GPRC5A: variants seen among roughly 807,000 people sequenced by gnomAD.
GPRC5A encodes the protein G protein-coupled receptor class C group 5 member A.
GPRC5A carries 19 observed loss-of-function variants against 22.5 expected under a neutral mutation model. That is an observed-to-expected ratio of 0.85 (90% CI 0.59 to 1.24). GPRC5A has a LOEUF of 1.24. Ranked by LOEUF, GPRC5A falls within the 50% of genes most tolerant of loss-of-function variation. GPRC5A has a pLI of 0.00. For missense variants in GPRC5A, 471 were observed against 451.1 expected (o/e 1.04, Z -0.40); for synonymous variants, 192 against 184.5 (o/e 1.04, Z -0.33).
At chr12:12,906,777 G>C (rs533528105) in intron 1 of GPRC5A, among the ~76,000 whole-genome samples, 1 of 151,922 alleles carries the variant, frequency 6.6e-6, no homozygotes, top group Non-Finnish European at 1.5e-5. Flanking sequence ...GGAGGAGGCC[G>C]GGCACGGTGG....
At chr12:12,912,003 T>C in intron 2 of GPRC5A, 81 bp from the exon 3 acceptor site, 1 of 845,464 alleles carries the variant, frequency 1.2e-6, no homozygotes, top group Non-Finnish European at 2.0e-6. Flanking sequence ...GGGCAAGATG[T>C]CACACTGTGA....
At chr12:12,901,890 C>T (rs1863891804) in intron 1 of GPRC5A, among the ~76,000 whole-genome samples, 1 of 152,080 alleles carries the variant, frequency 6.6e-6, no homozygotes. Flanking sequence ...CGTCCTTTGA[C>T]TTTGGTTACA....
In GPRC5A at chr12:12,914,594, T is replaced by TTCTTTCTTTCTTTCTTTCTTTCTTTCTC. The variant is rs59721062; in HGVS notation, c.*2058_*2059insTTCTTTCTTTCTTTCTTTCTTTCTCTCT. Reference sequence around the variant, plus strand: ...TTTCTTTCTTTCTTTCTTTCTTTCTTTCTCTCTCTCTCTCTCTCTCTCTTT... The same window carrying TTCTTTCTTTCTTTCTTTCTTTCTTTCTC: ...TTTCTTTCTTTCTTTCTTTCTTTCTTTCTTTCTTTCTTTCTTTCTTTCTTTCTCTCTCTCTCTCTCTCTCTCTCTCTTT... On this transcript the variant is annotated 3_prime_UTR_variant, in exon 4 of 4. Coordinates refer to ENST00000014914, the MANE Select transcript of GPRC5A (RefSeq NM_003979.4). 1.2e-5 allele frequency: 1 copy of TTCTTTCTTTCTTTCTTTCTTTCTTTCTC among 81,536 alleles called. No individual in the cohort carries two copies. Among genetic ancestry groups the TTCTTTCTTTCTTTCTTTCTTTCTTTCTC allele is most frequent in the Non-Finnish European group, 2.2e-5 (1 of 45,292 alleles). The allele number at this position is 81,536 out of a possible 1,614,324, so 5.1% of individuals were successfully genotyped here. A position where few individuals can be genotyped will look rare whatever the true frequency, so the allele number is the denominator to read the frequency against.
At chr12:12,904,314 C>T (rs1287085921) in intron 1 of GPRC5A, among the ~76,000 whole-genome samples, 1 of 152,176 alleles carries the variant, frequency 6.6e-6, no homozygotes, top group Non-Finnish European at 1.5e-5. Flanking sequence ...TATATCTGAA[C>T]CTCATTTGCC....
rs1863968495 is a variant in GPRC5A at position 12,908,612 on chromosome 12, G to A, written c.363G>A (p.Lys121=). The A allele has an allele frequency of 6.2e-7, 1 of 1,614,102 alleles. No individual in the cohort carries two copies. Among genetic ancestry groups the A allele is most frequent in the South Asian group, 1.1e-5 (1 of 91,080 alleles). Residue 121 remains lysine, a synonymous_variant, in exon 2 of 4, where the codon AAG becomes AAA. Transcript: ENST00000014914. ...TGGCTCATGCTGTCAGTCTGACCAA[G>A]CTCGTCCGGGGGAGGAAGCCCCTTT... ...CLLAHAVSLT[K]LVRGRKPLSL...
Position 12,912,711 on chromosome 12 carries a change from C to A in GPRC5A, c.*172C>A, listed in dbSNP as rs1377651931. On this transcript the variant is annotated 3_prime_UTR_variant, in exon 4 of 4. Coordinates refer to ENST00000014914, the MANE Select transcript of GPRC5A (RefSeq NM_003979.4). ...TCTTCCATGCTGGGGCTGATGTGGG[C>A]TAGTAAGACTCCAGTTCTTAGAGGC... The A allele has an allele frequency of 1.8e-6, 1 of 566,106 alleles. No individual in the cohort carries two copies. The highest frequency in any genetic ancestry group is 3.1e-6 in the Non-Finnish European group (1 of 318,628). The allele number at this position is 566,106 out of a possible 1,614,324, so 35.1% of individuals were successfully genotyped here.
chr12:12,911,777 C>T (rs976212964), intron 2 of GPRC5A, among the ~76,000 whole-genome samples: 1 of 152,174 alleles, frequency 6.6e-6, no homozygotes, highest in African/African-American at 2.4e-5. Context: ...CGTGAGCCAC[C>T]ATGCCCAGCC....
chr12:12,904,682 A>G (rs949557018), intron 1 of GPRC5A, among the ~76,000 whole-genome samples: 1 of 152,128 alleles, frequency 6.6e-6, no homozygotes, highest in Admixed American at 6.6e-5. Context: ...AGATCGATTT[A>G]AGCTATATCT....
rs949482914 is a variant in GPRC5A at position 12,916,459 on chromosome 12, G to A, written c.*3920G>A. 1 of 152,220 alleles carries A rather than the reference G, an allele frequency of 6.6e-6. No homozygotes were observed. The highest frequency in any genetic ancestry group is 1.5e-5 in the Non-Finnish European group (1 of 68,056). The allele number at this position is 152,220 out of a possible 1,614,324, so 9.4% of individuals were successfully genotyped here. A position where few individuals can be genotyped will look rare whatever the true frequency, so the allele number is the denominator to read the frequency against. ...CCTCATGGCCTCTCAGCCTTGCAAA[G>A]GCAGCCACTTAAAGTCGGTGTCCTG... On this transcript the variant is annotated 3_prime_UTR_variant, in exon 4 of 4. Coordinates refer to ENST00000014914, the MANE Select transcript of GPRC5A (RefSeq NM_003979.4).
intron 1 of GPRC5A, among the ~76,000 whole-genome samples, chr12:12,896,353 G>T (rs544535635): frequency 2.6e-5 from 4 of 152,170 alleles, no homozygotes; most frequent in African/African-American, 4.8e-5. Context: ...TTATTCAGAT[G>T]TTATTCATAA....
intron 1 of GPRC5A, among the ~76,000 whole-genome samples, chr12:12,902,914 A>C (rs550748614): frequency 9.9e-5 from 15 of 152,250 alleles, no homozygotes; most frequent in East Asian, 9.7e-4. Flanking sequence ...CTAAAAATAC[A>C]AAATTAGCCG....
At chr12:12,897,073 A>G (rs1863828228) in intron 1 of GPRC5A, among the ~76,000 whole-genome samples, 1 of 151,996 alleles carries the variant, frequency 6.6e-6, no homozygotes, top group South Asian at 2.1e-4. Context: ...CTAAAAATAT[A>G]ATAATTAGCT....
chr12:12,896,487 G>A (rs1455289117), intron 1 of GPRC5A, among the ~76,000 whole-genome samples: 3 of 152,118 alleles, frequency 2.0e-5, no homozygotes, highest in Non-Finnish European at 4.4e-5. Flanking sequence ...AAGGGCAGAG[G>A]GATTTCTGTA....
At chr12:12,894,766 A>G (rs1208218718) in intron 1 of GPRC5A, among the ~76,000 whole-genome samples, 2 of 120,598 alleles carry the variant, frequency 1.7e-5, no homozygotes, top group Admixed American at 2.0e-4. Context: ...ATAAAAGTCT[A>G]GGATGGTTTT....
rs1324644476 is a variant in GPRC5A, at chr12:12,908,270, T to C, written c.21T>C (p.Asp7=). The stretch of plus-strand genomic sequence containing the variant: ...CCAGAATGGCTACAACAGTCCCTGA[T>C]GGTTGCCGCAATGGCCTGAAATCCA... The part of the protein sequence containing the change: MATTVP[D]GCRNGLKSKY... The change falls in exon 2 of 4, where the codon GAT becomes GAC. Residue 7 remains aspartate, a synonymous_variant. Transcript: ENST00000014914. The C allele has an allele frequency of 1.9e-6, 3 of 1,595,412 alleles. No individual in the cohort carries two copies. Among genetic ancestry groups the C allele is most frequent in the Admixed American group, 1.7e-5 (1 of 58,012 alleles).
At chr12:12,898,659 A>G (rs1398515608) in intron 1 of GPRC5A, among the ~76,000 whole-genome samples, 2 of 152,332 alleles carry the variant, frequency 1.3e-5, no homozygotes, top group East Asian at 1.9e-4. Context: ...TTTATCAAAG[A>G]GCCAACAAAG....
At chr12:12,903,278 T>A (rs926714357) in intron 1 of GPRC5A, among the ~76,000 whole-genome samples, 2 of 152,130 alleles carry the variant, frequency 1.3e-5, no homozygotes, top group Non-Finnish European at 2.9e-5. Context: ...AGTTTTTTTT[T>A]AATTTTTAAT....
intron 2 of GPRC5A, among the ~76,000 whole-genome samples, chr12:12,911,542 G>A (rs558796679): frequency 4.7e-4 from 71 of 150,966 alleles, no homozygotes; most frequent in Non-Finnish European, 8.5e-4. Context: ...AGGCTGGAGT[G>A]CAGTGGTGCG....
rs1451625077 is a variant in GPRC5A at position 12,915,291 on chromosome 12, A to C, written c.*2752A>C. ...TTGATATAAAAATGAAACAGGATCC[A>C]GGCATGGGTCTTTACACTGATAGTT... On this transcript the variant is annotated 3_prime_UTR_variant, in exon 4 of 4. Coordinates refer to ENST00000014914, the MANE Select transcript of GPRC5A (RefSeq NM_003979.4). 1.3e-5 allele frequency: 2 copies of C among 152,244 alleles called. No individual in the cohort carries two copies. Among genetic ancestry groups the C allele is most frequent in the Non-Finnish European group, 2.9e-5 (2 of 68,050 alleles). The allele number at this position is 152,244 out of a possible 1,614,324, so 9.4% of individuals were successfully genotyped here.
Sources: gnomAD v4.1 joint callset for allele counts (sites outside exome capture counted in the v4.1 genomes callset) on GRCh38, gnomAD v4.1.1 for gene constraint, MANE v1.5 for transcripts, NCBI Gene and HGNC (gene_info 2026-07-23, HGNC 2026-07-21) for gene names.